CREB1: variants seen among roughly 807,000 people sequenced by gnomAD.
CREB1 encodes cAMP responsive element binding protein 1, also known as cyclic AMP-responsive element-binding protein 1.
A neutral mutation model predicts 42.0 loss-of-function variants in CREB1; 2 were observed. The observed-to-expected ratio is 0.05, with a 90% CI of 0.02 to 0.15. CREB1 has a LOEUF of 0.15. Among genes scored for constraint, CREB1 ranks in the 10% least tolerant of loss-of-function variants. CREB1 has a pLI of 1.00. For missense variants in CREB1, 199 were observed against 388.9 expected (o/e 0.51, Z 4.11); for synonymous variants, 123 against 139.9 (o/e 0.88, Z 0.85).
intron 7 of CREB1, among the ~76,000 whole-genome samples, chr2:207,589,576 G>GT (rs1288200295): frequency 6.6e-6 from 1 of 152,180 alleles, no homozygotes; most frequent in Non-Finnish European, 1.5e-5. Flanking sequence ...CTTAAGTAAT[G>GT]TAATAGCTGT....
At position 207,602,528 on chromosome 2, in the gene CREB1, A is replaced by AG. The variant is rs2087255080; in HGVS notation, c.*5472dup. ...TATGGCATTTCCAAGCTTTTGTCTGAGGAGCATCTCAGAGAAGTGAGAGTA... is the reference window on the plus strand; with the variant it reads ...TATGGCATTTCCAAGCTTTTGTCTGAGGGAGCATCTCAGAGAAGTGAGAGTA... On this transcript the variant is annotated 3_prime_UTR_variant, in exon 8 of 8. Coordinates refer to ENST00000353267, the MANE Select transcript of CREB1 (RefSeq NM_004379.5). 1 of 209,748 alleles carries AG rather than the reference A, an allele frequency of 4.8e-6. No individual in the cohort carries two copies. The highest frequency in any genetic ancestry group is 2.3e-5 in the African/African-American group (1 of 43,962). The allele number at this position is 209,748 out of a possible 1,614,324, so 13.0% of individuals were successfully genotyped here.
intron 3 of CREB1, chr2:207,561,040 T>G (rs2081939676): frequency 7.9e-7 from 1 of 1,269,966 alleles, no homozygotes; most frequent in East Asian, 2.3e-5. Context: ...GCAATTGAGC[T>G]TATTGAAAAA....
In CREB1 at chr2:207,535,068, T is replaced by C. The variant is rs1037662912; in HGVS notation, c.-9+4934T>C. On this transcript the variant is annotated intron_variant, in intron 1 of 7. Coordinates refer to ENST00000353267, the MANE Select transcript of CREB1 (RefSeq NM_004379.5). The stretch of plus-strand genomic sequence containing the variant: ...ACCAGTTAGTGAGCTGCTTTTATTC[T>C]TAGGTCTTATATTACCTTTTAAACT... Among the ~76,000 whole-genome samples the C allele has an allele frequency of 2.6e-5, 4 of 152,250 alleles. No homozygotes were observed. In the East Asian group the frequency reaches 5.8e-4, roughly 22 times the overall value.
At chr2:207,584,462 G>A (rs1157976802) in intron 7 of CREB1, among the ~76,000 whole-genome samples, 1 of 152,084 alleles carries the variant, frequency 6.6e-6, no homozygotes, top group Admixed American at 6.6e-5. Flanking sequence ...GGAGTGCAGT[G>A]GCACCATGTC....
intron 7 of CREB1, among the ~76,000 whole-genome samples, chr2:207,588,695 C>G (rs1428779423): frequency 1.8e-4 from 26 of 142,214 alleles, no homozygotes; most frequent in Non-Finnish European, 4.5e-5. Context: ...ACATATCTTA[C>G]TGGATTTATA....
intron 2 of CREB1, among the ~76,000 whole-genome samples, chr2:207,559,536 T>A (rs907369933): frequency 6.6e-6 from 1 of 152,202 alleles, no homozygotes; most frequent in Admixed American, 6.5e-5. Context: ...AATAACTGTT[T>A]CCTGATTTAG....
rs578168162 is a variant in CREB1 at position 207,567,721 on chromosome 2, C to A, written c.362+158C>A. ...TGTCTCAAATAAAGTGGAAGCTTAT[C>A]CTACAGAATAAGAAGAGCACTTGTT... On this transcript the variant is annotated intron_variant, in intron 4 of 7. Coordinates refer to ENST00000353267, the MANE Select transcript of CREB1 (RefSeq NM_004379.5). 5.9e-5 allele frequency: 29 copies of A among 489,894 alleles called. No homozygotes were observed. The Admixed American group carries it at 8.1e-4, about 14-fold the overall frequency. The allele number at this position is 489,894 out of a possible 1,614,324, so 30.3% of individuals were successfully genotyped here. A position where few individuals can be genotyped will look rare whatever the true frequency, so the allele number is the denominator to read the frequency against.
intron 3 of CREB1, among the ~76,000 whole-genome samples, chr2:207,563,979 ATAT>A (rs1211436633): frequency 1.3e-5 from 2 of 152,158 alleles, no homozygotes; most frequent in African/African-American, 4.8e-5. Context: ...TTAATGAAGC[ATAT>A]TATGTCATTC....
intron 3 of CREB1, chr2:207,561,279 C>A: frequency 1.2e-6 from 1 of 840,522 alleles, no homozygotes; most frequent in Non-Finnish European, 1.9e-6. Flanking sequence ...TGAACAAAAA[C>A]CTCAGAGATC....
At chr2:207,567,267 G>T (rs570612925) in intron 3 of CREB1, among the ~76,000 whole-genome samples, 196 bp from the exon 4 acceptor site, 1 of 152,162 alleles carries the variant, frequency 6.6e-6, no homozygotes, top group Non-Finnish European at 1.5e-5. Flanking sequence ...GCTATTTTAG[G>T]TTCTCTAACT....
intron 3 of CREB1, among the ~76,000 whole-genome samples, chr2:207,562,153 T>C (rs566006682): frequency 2.0e-4 from 30 of 152,324 alleles, no homozygotes; most frequent in African/African-American, 6.5e-4. Flanking sequence ...TACTGTGCCA[T>C]TACTAATTCC....
At chr2:207,569,537 T>G (rs2082270724) in intron 4 of CREB1, among the ~76,000 whole-genome samples, 1 of 152,170 alleles carries the variant, frequency 6.6e-6, no homozygotes, top group Non-Finnish European at 1.5e-5. Flanking sequence ...ATTGTTGACT[T>G]TTTACTTTCC....
intron 1 of CREB1, among the ~76,000 whole-genome samples, chr2:207,552,103 T>C (rs2081532848): frequency 6.9e-6 from 1 of 145,968 alleles, no homozygotes; most frequent in Admixed American, 6.8e-5. Flanking sequence ...AAAGGATTGG[T>C]AGGCTGCTTG....
At chr2:207,562,438 G>A (rs1229566093) in intron 3 of CREB1, among the ~76,000 whole-genome samples, 2 of 152,056 alleles carry the variant, frequency 1.3e-5, no homozygotes, top group East Asian at 3.9e-4. Context: ...ACATAATTTG[G>A]ACATGAAGAT....
intron 1 of CREB1, among the ~76,000 whole-genome samples, chr2:207,552,822 G>A (rs537159722): frequency 1.3e-5 from 2 of 151,868 alleles, no homozygotes; most frequent in African/African-American, 4.8e-5. Flanking sequence ...CACCGTGTTG[G>A]CCAAGCTGAT....
chr2:207,596,606 G>C (rs1179074297), intron 7 of CREB1, among the ~76,000 whole-genome samples: 2 of 152,098 alleles, frequency 1.3e-5, no homozygotes, highest in Non-Finnish European at 2.9e-5. Flanking sequence ...GCTAATTTTT[G>C]TGTTTATAGT....
chr2:207,575,605 C>T, intron 6 of CREB1, 151 bp downstream of exon 6: 1 of 689,264 alleles, frequency 1.5e-6, no homozygotes, highest in South Asian at 3.0e-5. Flanking sequence ...ATGAACTCTT[C>T]CATTATTCCA....
chr2:207,576,053 C>T (rs946736096), intron 6 of CREB1, among the ~76,000 whole-genome samples: 10 of 149,620 alleles, frequency 6.7e-5, no homozygotes, highest in Admixed American at 2.7e-4. Flanking sequence ...TCTTGAACTC[C>T]GGGCCTCAAG....
intron 3 of CREB1, among the ~76,000 whole-genome samples, chr2:207,567,225 A>G (rs1487815890): frequency 6.6e-6 from 1 of 152,138 alleles, no homozygotes; most frequent in Non-Finnish European, 1.5e-5. Context: ...AGGATTGATT[A>G]CATGGAGTCC....
Sources: gnomAD v4.1 joint callset for allele counts (sites outside exome capture counted in the v4.1 genomes callset) on GRCh38, gnomAD v4.1.1 for gene constraint, MANE v1.5 for transcripts, NCBI Gene and HGNC (gene_info 2026-07-23, HGNC 2026-07-21) for gene names.